The following PLGRKT variants were observed in gnomAD, a reference collection of about 807,000 sequenced individuals.
PLGRKT encodes the protein plasminogen receptor with a C-terminal lysine.
PLGRKT carries 22 observed loss-of-function variants against 18.5 expected under a neutral mutation model. That is an observed-to-expected ratio of 1.19 (90% confidence interval 0.85 to 1.70). PLGRKT has a LOEUF of 1.70. Among genes scored for constraint, PLGRKT ranks in the 40% most tolerant of loss-of-function variants. PLGRKT has a pLI of 0.00. For synonymous variants in PLGRKT, 72 were observed against 52.8 expected (o/e 1.36, Z -1.58); for missense variants, 235 against 174.4 (o/e 1.35, Z -1.96).
At chr9:5,377,992 G>GA (rs1817664247) in intron 3 of PLGRKT, among the ~76,000 whole-genome samples, 1 of 152,170 alleles carries the variant, frequency 6.6e-6, no homozygotes, top group Non-Finnish European at 1.5e-5. Flanking sequence ...TCTGGCAATT[G>GA]TGGGGTTCTT....
At chr9:5,386,551 G>T (rs1445654299) in intron 3 of PLGRKT, among the ~76,000 whole-genome samples, 1 of 151,840 alleles carries the variant, frequency 6.6e-6, no homozygotes, top group African/African-American at 2.4e-5. Flanking sequence ...TTGTGGTTGA[G>T]AAATTCTGGC....
chr9:5,392,137 T>C (rs1360557205), intron 3 of PLGRKT, among the ~76,000 whole-genome samples: 1 of 151,960 alleles, frequency 6.6e-6, no homozygotes, highest in Non-Finnish European at 1.5e-5. Context: ...TGGGTTTTTT[T>C]CCACTTAAAT....
In PLGRKT at chr9:5,362,840, G is replaced by A. The variant is rs376798256; in HGVS notation, c.82-952C>T. Among the ~76,000 whole-genome samples, 12 of 152,148 alleles carry A rather than the reference G, an allele frequency of 7.9e-5. No homozygotes were observed. The East Asian group carries it at 1.2e-3, about 15-fold the overall frequency. On this transcript the variant is annotated intron_variant, in intron 3 of 5. Coordinates refer to ENST00000223864, the MANE Select transcript of PLGRKT (RefSeq NM_018465.4). ...AGGTTAAATCACCAGAAGATATGAC[G>A]GAAGCCTCAGATGGGTTTGGGAATC...
intron 3 of PLGRKT, among the ~76,000 whole-genome samples, chr9:5,411,396 A>AAG (rs1818363035): frequency 6.8e-6 from 1 of 146,750 alleles, no homozygotes; most frequent in African/African-American, 2.6e-5. Context: ...AAAAAAAAAA[A>AAG]AAAGAAAAGA....
At chr9:5,368,507 C>CA (rs1283206724) in intron 3 of PLGRKT, among the ~76,000 whole-genome samples, 3 of 152,102 alleles carry the variant, frequency 2.0e-5, no homozygotes, top group Non-Finnish European at 4.4e-5. Flanking sequence ...CTCATGTTCT[C>CA]ACTTGTAAGT....
At chr9:5,408,297 C>A (rs1277046479) in intron 3 of PLGRKT, among the ~76,000 whole-genome samples, 3 of 152,092 alleles carry the variant, frequency 2.0e-5, no homozygotes, top group African/African-American at 4.8e-5. Flanking sequence ...ACAGAGATGG[C>A]CAGGTGGATG....
intron 3 of PLGRKT, among the ~76,000 whole-genome samples, chr9:5,429,603 T>C (rs1045280910): frequency 6.6e-6 from 1 of 152,186 alleles, no homozygotes; most frequent in Non-Finnish European, 1.5e-5. Flanking sequence ...CCAGTATGAA[T>C]TGTATGGTCT....
At chr9:5,359,622 G>A (rs1817218491) in intron 5 of PLGRKT, among the ~76,000 whole-genome samples, 2 of 152,140 alleles carry the variant, frequency 1.3e-5, no homozygotes, top group African/African-American at 4.8e-5. Flanking sequence ...AATAGGGATT[G>A]TATATTTTAG....
chr9:5,371,540 G>C (rs1474558470), intron 3 of PLGRKT, among the ~76,000 whole-genome samples: 2 of 152,142 alleles, frequency 1.3e-5, no homozygotes, highest in Non-Finnish European at 2.9e-5. Context: ...AGTGCCTTTT[G>C]TCTCCTGCCA....
chr9:5,382,180 C>T, intron 3 of PLGRKT: 1 of 233,436 alleles, frequency 4.3e-6, no homozygotes, highest in Non-Finnish European at 7.0e-6. Flanking sequence ...ATGGAGAGTT[C>T]AGGCAGTCTC....
intron 5 of PLGRKT, among the ~76,000 whole-genome samples, chr9:5,359,109 C>T (rs574019165): frequency 1.1e-4 from 16 of 150,472 alleles, no homozygotes; most frequent in South Asian, 2.1e-4. Flanking sequence ...GTCGCCTAGG[C>T]TGGAGTGCAG....
intron 3 of PLGRKT, among the ~76,000 whole-genome samples, chr9:5,405,672 C>G (rs749935071): frequency 1.6e-4 from 24 of 152,104 alleles, no homozygotes; most frequent in Non-Finnish European, 3.2e-4. Context: ...AAAATCTAGG[C>G]AATACTATTT....
At chr9:5,413,277 G>C (rs1818398864) in intron 3 of PLGRKT, among the ~76,000 whole-genome samples, 1 of 152,202 alleles carries the variant, frequency 6.6e-6, no homozygotes, top group Non-Finnish European at 1.5e-5. Flanking sequence ...AGCACTGTTT[G>C]TAATAGCAAA....
intron 3 of PLGRKT, among the ~76,000 whole-genome samples, chr9:5,414,947 T>C (rs749742666): frequency 2.6e-5 from 4 of 152,156 alleles, no homozygotes; most frequent in Non-Finnish European, 5.9e-5. Context: ...TAGAAATAAA[T>C]ACAGATGTGT....
chr9:5,385,447 C>T lies in PLGRKT; in HGVS notation c.82-23559G>A, dbSNP rs184459122. ...TCCTGACCTCATGATCCTCCTGCCT[C>T]GTGATCCTCCTGCCTCAGCTACCGC... On this transcript the variant is annotated intron_variant, in intron 3 of 5. Coordinates refer to ENST00000223864, the MANE Select transcript of PLGRKT (RefSeq NM_018465.4). Among the ~76,000 whole-genome samples, 54 of 151,674 alleles carry T rather than the reference C, an allele frequency of 3.6e-4. 1 individual carries two copies. The highest frequency in any genetic ancestry group is 6.5e-4 in the Non-Finnish European group (44 of 67,996).
At chr9:5,384,947 T>C (rs1312584776) in intron 3 of PLGRKT, among the ~76,000 whole-genome samples, 1 of 152,206 alleles carries the variant, frequency 6.6e-6, no homozygotes, top group Admixed American at 6.5e-5. Flanking sequence ...ATATTTGGTA[T>C]TGCTTACACC....
chr9:5,430,884 G>T (rs1818809017), intron 3 of PLGRKT, among the ~76,000 whole-genome samples: 1 of 152,132 alleles, frequency 6.6e-6, no homozygotes, highest in African/African-American at 2.4e-5. Context: ...CCTGTATTAG[G>T]CAATTAGATA....
At chr9:5,437,348 T>C (rs571291378) in intron 1 of PLGRKT, among the ~76,000 whole-genome samples, 47 of 152,314 alleles carry the variant, frequency 3.1e-4, no homozygotes, top group African/African-American at 1.1e-3. Flanking sequence ...TGACTGATCG[T>C]CTCACCACAG....
At chr9:5,425,761 T>C (rs1021765782) in intron 3 of PLGRKT, among the ~76,000 whole-genome samples, 3 of 152,118 alleles carry the variant, frequency 2.0e-5, no homozygotes, top group African/African-American at 7.2e-5. Context: ...GTATAAGAGA[T>C]GGGGTTGAAT....
Sources: gnomAD v4.1 joint callset for allele counts (sites outside exome capture counted in the v4.1 genomes callset) on GRCh38, gnomAD v4.1.1 for gene constraint, MANE v1.5 for transcripts, NCBI Gene and HGNC (gene_info 2026-07-23, HGNC 2026-07-21) for gene names.